TENM1: variants seen among roughly 807,000 people sequenced by gnomAD.
TENM1 encodes teneurin-1.
Under a neutral mutation model 174.8 loss-of-function variants are expected in TENM1, and 35 were observed. The observed-to-expected ratio is 0.20, with a 90% CI of 0.15 to 0.27. The LOEUF (loss-of-function observed/expected upper bound fraction) is 0.27, where lower values mean the gene tolerates loss of function less well. Among genes scored for constraint, TENM1 ranks in the 10% least tolerant of loss-of-function variants. TENM1 has a pLI of 1.00. For missense variants in TENM1, 1,633 were observed against 2,130.1 expected, an observed-to-expected ratio of 0.77 and a Z score of 4.59; for synonymous variants, 781 against 798.7, an observed-to-expected ratio of 0.98 and a Z score of 0.37.
At chrX:125,103,990 GA>G in the TENM1 span, among the ~76,000 whole-genome samples, 808 of 105,501 alleles carry the variant, frequency 7.7e-3, 8 homozygotes, top group African/African-American at 0.027. Flanking sequence ...AACTCCATAA[GA>G]AAAAAAAAAT....
intron 3 of TENM1, among the ~76,000 whole-genome samples, chrX:124,879,085 G>A (rs2057259202): frequency 9.0e-6 from 1 of 111,664 alleles, no homozygotes; most frequent in Non-Finnish European, 1.9e-5. Flanking sequence ...TGTATTTGGG[G>A]GTATCCATCA....
intron 22 of TENM1, among the ~76,000 whole-genome samples, chrX:124,458,439 G>A (rs1180113617): frequency 1.8e-5 from 2 of 111,855 alleles, no homozygotes; most frequent in Admixed American, 9.5e-5. Context: ...GGTTAACAGT[G>A]GCATCAGGAT....
chrX:124,384,137 G>A lies in TENM1; in HGVS notation c.6794C>T (p.Ala2265Val), dbSNP rs372260419. Residue 2265 changes from alanine to valine, a missense_variant, in exon 30 of 32, where the codon GCG becomes GTG. By Grantham distance (64) the Ala-to-Val change is moderately conservative. Coordinates refer to ENST00000422452, the Ensembl canonical transcript of TENM1. ...GTGCTGCCCTAGGCTGGACTTACTC[G>A]CGACACGTCGCCCAAGCCCATCATA... The A allele has an allele frequency of 4.9e-5, 59 of 1,209,717 alleles. No individual in the cohort carries two copies. The Admixed American group carries it at 8.9e-4, about 18-fold the overall frequency.
intron 3 of TENM1, among the ~76,000 whole-genome samples, chrX:124,773,192 G>C (rs1169151427): frequency 9.0e-6 from 1 of 111,604 alleles, no homozygotes; most frequent in Non-Finnish European, 1.9e-5. Flanking sequence ...AAGCATGCCT[G>C]TGACCTCTTC....
chrX:125,181,368 G>A, the TENM1 span, among the ~76,000 whole-genome samples: 12 of 111,461 alleles, frequency 1.1e-4, no homozygotes, highest in Non-Finnish European at 2.3e-4. Flanking sequence ...TCAAGCTACA[G>A]CATTTTTAAA....
intron 11 of TENM1, among the ~76,000 whole-genome samples, chrX:124,572,166 A>C (rs1158667851): frequency 2.7e-5 from 3 of 110,912 alleles, no homozygotes; most frequent in Non-Finnish European, 5.7e-5. Flanking sequence ...TCTGGTAATC[A>C]AACCAAAAAT....
At chrX:124,598,904 A>G (rs2148274558) in intron 11 of TENM1, among the ~76,000 whole-genome samples, 1 of 112,072 alleles carries the variant, frequency 8.9e-6, no homozygotes, top group South Asian at 3.7e-4. Context: ...CTAAAAGAGT[A>G]TAATTGGATT....
At chrX:124,660,024 C>G (rs1387557001) in intron 6 of TENM1, among the ~76,000 whole-genome samples, 1 of 111,686 alleles carries the variant, frequency 9.0e-6, no homozygotes, top group Non-Finnish European at 1.9e-5. Context: ...CTGTACAATT[C>G]TCAAATGAAA....
chrX:124,806,113 TA>T (rs2055590088), intron 3 of TENM1, among the ~76,000 whole-genome samples: 1 of 110,809 alleles, frequency 9.0e-6, no homozygotes, highest in African/African-American at 3.3e-5. Context: ...ATAAGAAATT[TA>T]ACAAAGAGAT....
the TENM1 span, among the ~76,000 whole-genome samples, chrX:125,183,103 C>A: frequency 4.5e-5 from 5 of 112,123 alleles, no homozygotes; most frequent in Admixed American, 4.7e-4. Context: ...TCATGAACTT[C>A]ATTTACTGCT....
intron 3 of TENM1, among the ~76,000 whole-genome samples, chrX:124,749,495 T>C (rs920526157): frequency 2.7e-5 from 3 of 112,120 alleles, no homozygotes; most frequent in African/African-American, 9.7e-5. Context: ...ACAAATATTA[T>C]CTGATGCTTT....
chrX:124,430,068 C>T lies in TENM1; in HGVS notation c.4105-7430G>A, dbSNP rs761521829. Among the ~76,000 whole-genome samples the T allele has an allele frequency of 5.0e-4, 56 of 110,906 alleles. 1 individual carries two copies. Among genetic ancestry groups the T allele is most frequent in the African/African-American group, 1.8e-3 (54 of 30,539 alleles). On this transcript the variant is annotated intron_variant, in intron 23 of 31. Transcript: ENST00000422452. ...TTAGGCTGCATTTTGGGGGACAGGC[C>T]GGAAGGAGACCAGACTAGATGCAGG...
chrX:124,749,261 T>G (rs1397983587), intron 3 of TENM1, among the ~76,000 whole-genome samples: 1 of 111,640 alleles, frequency 9.0e-6, no homozygotes, highest in Non-Finnish European at 1.9e-5. Context: ...TAATAGTCTC[T>G]ATTTCATGAT....
rs557031842 is a variant in TENM1 at position 124,672,177 on chromosome X, C to T, written c.1016-342G>A. The stretch of plus-strand genomic sequence containing the variant: ...CCCCTTAGTCATGTAACACTAGTTT[C>T]CATATGGAAACTATTACAGAGTAAT... On this transcript the variant is annotated intron_variant, in intron 5 of 31. Transcript: ENST00000422452. Among the ~76,000 whole-genome samples, 19 of 111,364 alleles carry T rather than the reference C, an allele frequency of 1.7e-4. No individual in the cohort carries two copies. The South Asian group carries it at 7.2e-3, about 42-fold the overall frequency.
At chrX:124,917,151 G>T (rs2057939358) in intron 1 of TENM1, among the ~76,000 whole-genome samples, 1 of 111,276 alleles carries the variant, frequency 9.0e-6, no homozygotes. Context: ...TGACAGCCCG[G>T]AGCAGTCAGC....
At chrX:125,080,014 T>C in the TENM1 span, among the ~76,000 whole-genome samples, 8 of 110,569 alleles carry the variant, frequency 7.2e-5, no homozygotes, top group Non-Finnish European at 1.9e-5. Context: ...GATCACTGAT[T>C]GCCGCAGCTC....
At chrX:124,777,971 T>C (rs2054821944) in intron 3 of TENM1, among the ~76,000 whole-genome samples, 1 of 112,708 alleles carries the variant, frequency 8.9e-6, no homozygotes, top group Non-Finnish European at 1.9e-5. Flanking sequence ...TATTTTCCAA[T>C]AAAACTTGAT....
exon 12 of TENM1, chrX:124,565,478 T>C: frequency 8.3e-7 from 1 of 1,209,769 alleles, no homozygotes; most frequent in South Asian, 1.8e-5. Context: ...GTTCCTCACA[T>C]GTTGGTCCTA....
the TENM1 span, among the ~76,000 whole-genome samples, chrX:125,122,646 A>AT: frequency 0.037 from 4,087 of 111,429 alleles, 185 homozygotes; most frequent in African/African-American, 0.12. Flanking sequence ...GCATTATACT[A>AT]TTTAAGTATC....
Sources: gnomAD v4.1 joint callset for allele counts (sites outside exome capture counted in the v4.1 genomes callset) on GRCh38, gnomAD v4.1.1 for gene constraint, MANE v1.5 for transcripts, NCBI Gene and HGNC (gene_info 2026-07-23, HGNC 2026-07-21) for gene names.